The following NALCN variants were observed in gnomAD, a reference collection of about 807,000 sequenced individuals.
NALCN encodes the protein sodium leak channel, non-selective, also known as sodium leak channel NALCN.
A neutral mutation model predicts 225.3 loss-of-function variants in NALCN; 111 were observed. That is an observed-to-expected ratio of 0.49 (90% CI 0.42 to 0.58). The LOEUF is 0.58. NALCN is among the 20% of genes least tolerant of loss of function. The probability of loss-of-function intolerance (pLI) is 0.00; values close to 1 mark genes in which losing one functional copy is unlikely to be tolerated. For missense variants in NALCN, 1,378 were observed against 2,202.4 expected, an observed-to-expected ratio of 0.63 and a Z score of 7.49; for synonymous variants, 764 against 769.0, an observed-to-expected ratio of 0.99 and a Z score of 0.11.
chr13:101,409,595 G>A (rs561489922), intron 1 of NALCN, among the ~76,000 whole-genome samples: 1 of 152,262 alleles, frequency 6.6e-6, no homozygotes, highest in South Asian at 2.1e-4. Context: ...CCAGAAAGGG[G>A]ATACTTATTT....
At chr13:101,199,569 T>C (rs1337251179) in intron 13 of NALCN, among the ~76,000 whole-genome samples, 1 of 144,674 alleles carries the variant, frequency 6.9e-6, no homozygotes, top group Non-Finnish European at 1.5e-5. Flanking sequence ...AAACACCGCA[T>C]GTTCTCACTC....
intron 13 of NALCN, among the ~76,000 whole-genome samples, chr13:101,209,847 T>C (rs1377835863): frequency 6.6e-6 from 1 of 152,198 alleles, no homozygotes; most frequent in Admixed American, 6.5e-5. Context: ...GAATTCACTT[T>C]TTGGTGGTTC....
At chr13:101,376,130 A>G (rs12428327) in intron 6 of NALCN, among the ~76,000 whole-genome samples, 32,717 of 152,162 alleles carry the variant, frequency 0.22, 3,664 homozygotes, top group Non-Finnish European at 0.24. Context: ...AATGATGACA[A>G]AAGTAAATAA....
chr13:101,341,667 C>G (rs2045563311), intron 7 of NALCN, among the ~76,000 whole-genome samples: 1 of 152,076 alleles, frequency 6.6e-6, no homozygotes, highest in Non-Finnish European at 1.5e-5. Flanking sequence ...TCAATTATGA[C>G]TCATCTTTGA....
At chr13:101,218,783 G>T (rs891078861) in intron 13 of NALCN, among the ~76,000 whole-genome samples, 2 of 152,152 alleles carry the variant, frequency 1.3e-5, no homozygotes, top group African/African-American at 2.4e-5. Context: ...TGCTGTGATT[G>T]TAAGTTTCTT....
At chr13:101,136,891 A>G (rs951173493) in intron 17 of NALCN, among the ~76,000 whole-genome samples, 3 of 152,140 alleles carry the variant, frequency 2.0e-5, no homozygotes, top group Non-Finnish European at 4.4e-5. Context: ...GTCTTCCACA[A>G]TGGTTGAACT....
chr13:101,336,825 T>C (rs1210178341), intron 7 of NALCN, among the ~76,000 whole-genome samples: 1 of 152,170 alleles, frequency 6.6e-6, no homozygotes, highest in East Asian at 1.9e-4. Context: ...TAAATTCAAA[T>C]ACACAACAGA....
intron 7 of NALCN, among the ~76,000 whole-genome samples, chr13:101,326,403 C>G (rs1364648592): frequency 1.3e-5 from 2 of 152,142 alleles, no homozygotes; most frequent in Non-Finnish European, 2.9e-5. Flanking sequence ...CTCAGGTTTT[C>G]CAAAACATTC....
At position 101,143,178 on chromosome 13, in the gene NALCN, T is replaced by C; in HGVS notation, c.2020A>G (p.Thr674Ala). 1 of 1,613,594 alleles carries C rather than the reference T, an allele frequency of 6.2e-7. No individual in the cohort carries two copies. Among genetic ancestry groups the C allele is most frequent in the Non-Finnish European group, 8.5e-7 (1 of 1,179,872 alleles). Residue 674 changes from threonine to alanine, a missense_variant, in exon 17 of 44, where the codon ACA becomes GCA. By Grantham distance (58) the Thr-to-Ala change is moderately conservative. Transcript: ENST00000251127. ...GGGAGGCTTCTCAGGAGGCAACATG[T>C]GTCCTGTTGCTGGCGGTCAATAAAC... ...KQFIDRQQQD[T>A]CCLLRSLPTT... is the part of the protein sequence containing the mutation.
chr13:101,393,222 C>T (rs893232193), intron 3 of NALCN, among the ~76,000 whole-genome samples: 2 of 152,208 alleles, frequency 1.3e-5, no homozygotes, highest in African/African-American at 4.8e-5. Flanking sequence ...CATCTAACCT[C>T]ACTCTCAAAA....
At position 101,083,157 on chromosome 13, in the gene NALCN, G is replaced by A; in HGVS notation, c.3625C>T (p.His1209Tyr). 1 of 1,614,130 alleles carries A rather than the reference G, an allele frequency of 6.2e-7. No homozygotes were observed. Among genetic ancestry groups the A allele is most frequent in the Non-Finnish European group, 8.5e-7 (1 of 1,179,968 alleles). ...FRAKMYDITQHPFFKRTIALL... is the reference protein window; with the variant it reads ...FRAKMYDITQYPFFKRTIALL... ...GCGATTGTCCTCTTAAAAAATGGAT[G>A]CTGGGTTATGTCATACATTTTAGCT... is the stretch of plus-strand genomic sequence containing the variant. Residue 1209 changes from histidine to tyrosine, a missense_variant, in exon 32 of 44, where the codon CAT becomes TAT. His to Tyr is a moderately conservative substitution (Grantham distance 83, BLOSUM62 2). Coordinates refer to ENST00000251127, the MANE Select transcript of NALCN (RefSeq NM_052867.4).
intron 13 of NALCN, among the ~76,000 whole-genome samples, chr13:101,200,430 T>A (rs1039789301): frequency 6.6e-6 from 1 of 152,176 alleles, no homozygotes; most frequent in African/African-American, 2.4e-5. Context: ...CCAAAACAGA[T>A]AACATTTTTC....
intron 7 of NALCN, among the ~76,000 whole-genome samples, chr13:101,319,476 T>G (rs1202834851): frequency 2.0e-5 from 3 of 152,202 alleles, no homozygotes; most frequent in African/African-American, 4.8e-5. Flanking sequence ...ACACAATACC[T>G]TCTGAATCAA....
chr13:101,128,100 T>C (rs1320635391), intron 17 of NALCN, among the ~76,000 whole-genome samples: 1 of 152,148 alleles, frequency 6.6e-6, no homozygotes, highest in Non-Finnish European at 1.5e-5. Flanking sequence ...TGTAAACATA[T>C]CAGAGATGTG....
At chr13:101,391,095 TTAA>T (rs2047130837) in intron 3 of NALCN, among the ~76,000 whole-genome samples, 1 of 151,504 alleles carries the variant, frequency 6.6e-6, no homozygotes, top group Non-Finnish European at 1.5e-5. Flanking sequence ...TAAACAAAAA[TTAA>T]TAAGTTAATT....
chr13:101,129,776 G>T (rs1412171427), intron 17 of NALCN, among the ~76,000 whole-genome samples: 1 of 149,174 alleles, frequency 6.7e-6, no homozygotes. Flanking sequence ...GAACGTGCAG[G>T]TTTGTTACGT....
Position 101,345,366 on chromosome 13 carries a change from T to G in NALCN, c.699A>C (p.Leu233=). Residue 233 remains leucine, a synonymous_variant, in exon 7 of 44, where the codon CTA becomes CTC. Coordinates refer to ENST00000251127, the MANE Select transcript of NALCN (RefSeq NM_052867.4). ...AIPDTHCSPE[L]EEGYQCPPGF... ...CAGGTGGGCACTGGTAGCCTTCTTC[T>G]AGCTCTGGTGAGCAGTGTGTGTCTG... is the stretch of plus-strand genomic sequence containing the variant. 1 of 1,613,834 alleles carries G rather than the reference T, an allele frequency of 6.2e-7. No homozygotes were observed. Among genetic ancestry groups the G allele is most frequent in the South Asian group, 1.1e-5 (1 of 91,066 alleles).
intron 17 of NALCN, among the ~76,000 whole-genome samples, chr13:101,132,331 G>A (rs190977476): frequency 9.5e-4 from 144 of 152,060 alleles, no homozygotes; most frequent in Non-Finnish European, 1.4e-3. Context: ...TTAGGTTTCT[G>A]ATTTTGTTAC....
chr13:101,378,747 C>T, intron 3 of NALCN, 94 bp from the exon 4 acceptor site: 2 of 1,067,134 alleles, frequency 1.9e-6, no homozygotes, highest in Non-Finnish European at 2.8e-6. Flanking sequence ...TCAATAAAAG[C>T]TATCTACAAT....
Sources: gnomAD v4.1 joint callset for allele counts (sites outside exome capture counted in the v4.1 genomes callset) on GRCh38, gnomAD v4.1.1 for gene constraint, MANE v1.5 for transcripts, NCBI Gene and HGNC (gene_info 2026-07-23, HGNC 2026-07-21) for gene names.